Variants in ARHGAP29 observed in about 807,000 individuals in gnomAD.
ARHGAP29 encodes the protein Rho GTPase activating protein 29.
In ARHGAP29, 43 loss-of-function variants were observed where a neutral mutation model predicts 122.6. That is an observed-to-expected ratio of 0.35 (90% CI 0.27 to 0.45). The LOEUF (loss-of-function observed/expected upper bound fraction) is 0.45, where lower values mean the gene tolerates loss of function less well. Ranked by LOEUF, ARHGAP29 falls within the 20% of genes least tolerant of loss-of-function variation. The pLI is 1.00. For missense variants in ARHGAP29, 1,303 were observed against 1,477.2 expected (o/e 0.88, Z 1.93); for synonymous variants, 506 against 497.1 (o/e 1.02, Z -0.24).
At chr1:94,305,199 A>G in the ARHGAP29 span, among the ~76,000 whole-genome samples, 1 of 152,198 alleles carries the variant, frequency 6.6e-6, no homozygotes, top group Non-Finnish European at 1.5e-5. Context: ...TCCTCTGTGG[A>G]CCATGTAAGG....
At chr1:94,286,735 A>G in the ARHGAP29 span, among the ~76,000 whole-genome samples, 22 of 152,310 alleles carry the variant, frequency 1.4e-4, no homozygotes, top group African/African-American at 4.6e-4. Flanking sequence ...CAGAAAAATT[A>G]AGAAGGAAAT....
chr1:94,210,147 T>C (rs1266993866), intron 3 of ARHGAP29, among the ~76,000 whole-genome samples: 1 of 152,226 alleles, frequency 6.6e-6, no homozygotes, highest in Non-Finnish European at 1.5e-5. Context: ...TGGTAATTTT[T>C]TTAAAGTAAC....
chr1:94,245,060 A>T (rs1204918798), intron 1 of ARHGAP29, among the ~76,000 whole-genome samples: 1 of 152,214 alleles, frequency 6.6e-6, no homozygotes, highest in African/African-American at 2.4e-5. Context: ...CTGAATAGTC[A>T]GAAGAAATTT....
chr1:94,183,218 A>G (rs1169116119), intron 19 of ARHGAP29, among the ~76,000 whole-genome samples: 1 of 152,134 alleles, frequency 6.6e-6, no homozygotes, highest in East Asian at 1.9e-4. Context: ...TTTTTTTTAA[A>G]AAGGATCCTG....
chr1:94,211,807 A>T (rs1651638506), intron 3 of ARHGAP29, among the ~76,000 whole-genome samples: 1 of 152,192 alleles, frequency 6.6e-6, no homozygotes, highest in African/African-American at 2.4e-5. Flanking sequence ...CACAACGTGC[A>T]TGTTTGTTAC....
In ARHGAP29 at chr1:94,209,301, C is replaced by A. The variant is rs201288581; in HGVS notation, c.390G>T (p.Gln130His). Residue 130 changes from glutamine (Q) to histidine (H), a missense_variant, in exon 4 of 23, where the codon CAG (glutamine) becomes CAT (histidine). Transcript: ENST00000260526. ...AAGTTTCAATAGAAGAAAACACTTC[C>A]TGGAAGAGATCGTTTTTGTTTTCTT... ...VNEENKNDLF[Q>H]EVFSSIETLA... 1.2e-6 allele frequency: 2 copies of A among 1,610,214 alleles called. No individual in the cohort carries two copies. The highest frequency in any genetic ancestry group is 4.5e-5 in the East Asian group (2 of 44,706).
the ARHGAP29 span, chr1:94,301,927 T>G: frequency 2.0e-5 from 3 of 153,736 alleles, no homozygotes; most frequent in Admixed American, 6.5e-5. Flanking sequence ...TGTAAAATAT[T>G]CAGTAGAATA....
the ARHGAP29 span, among the ~76,000 whole-genome samples, chr1:94,281,311 T>C: frequency 6.6e-6 from 1 of 152,200 alleles, no homozygotes; most frequent in Non-Finnish European, 1.5e-5. Flanking sequence ...TTTTCTAAGA[T>C]TACACTAAGT....
At chr1:94,235,449 T>C (rs1653195776) in intron 1 of ARHGAP29, among the ~76,000 whole-genome samples, 1 of 152,216 alleles carries the variant, frequency 6.6e-6, no homozygotes, top group Non-Finnish European at 1.5e-5. Context: ...ATCATAAAGA[T>C]GAACCATAAA....
Position 94,170,659 on chromosome 1 carries a change from C to T in ARHGAP29, c.*3210G>A, listed in dbSNP as rs540745823. Among the ~76,000 whole-genome samples the T allele has an allele frequency of 3.3e-5, 5 of 152,054 alleles. No homozygotes were observed. In the South Asian group the frequency reaches 1.0e-3, roughly 32 times the overall value. On this transcript the variant is annotated 3_prime_UTR_variant, in exon 23 of 23. Coordinates refer to ENST00000260526, the MANE Select transcript of ARHGAP29 (RefSeq NM_004815.4). ...CACACAGTAGATAGAGGTAATAATGCAAAAAATATTTTGGTTGGGATTACA... is the reference window on the plus strand; with the variant it reads ...CACACAGTAGATAGAGGTAATAATGTAAAAAATATTTTGGTTGGGATTACA...
At chr1:94,231,270 A>G (rs552183966) in intron 2 of ARHGAP29, 137 bp downstream of exon 2, 1 of 675,648 alleles carries the variant, frequency 1.5e-6, no homozygotes, top group South Asian at 1.9e-5. Context: ...TAACCATCAA[A>G]GATTTGGGGA....
At chr1:94,195,705 G>A (rs1254234150) in intron 12 of ARHGAP29, 1 of 151,910 alleles carries the variant, frequency 6.6e-6, no homozygotes, top group Non-Finnish European at 1.5e-5. Context: ...ATAAGATAGT[G>A]CCAAAATAGA....
intron 1 of ARHGAP29, among the ~76,000 whole-genome samples, chr1:94,262,224 A>C (rs1466496202): frequency 2.0e-5 from 3 of 152,160 alleles, no homozygotes; most frequent in African/African-American, 7.2e-5. Flanking sequence ...TTGAAACTGG[A>C]CCCCTTCCTT....
At chr1:94,227,008 T>C (rs188653165) in intron 2 of ARHGAP29, among the ~76,000 whole-genome samples, 1 of 152,052 alleles carries the variant, frequency 6.6e-6, no homozygotes, top group African/African-American at 2.4e-5. Context: ...CATCCTCCTG[T>C]ACATTCTCCC....
intron 19 of ARHGAP29, among the ~76,000 whole-genome samples, chr1:94,183,920 C>T (rs115392703): frequency 8.6e-5 from 13 of 152,000 alleles, no homozygotes; most frequent in East Asian, 1.9e-4. Context: ...TTATAAGGTA[C>T]GGTAATATTC....
At chr1:94,221,535 A>G (rs752755972) in intron 2 of ARHGAP29, among the ~76,000 whole-genome samples, 4 of 140,908 alleles carry the variant, frequency 2.8e-5, no homozygotes, top group Non-Finnish European at 6.1e-5. Flanking sequence ...TATTATTTAT[A>G]TAAGTATATA....
At chr1:94,222,073 A>G (rs1652331625) in intron 2 of ARHGAP29, among the ~76,000 whole-genome samples, 3 of 152,208 alleles carry the variant, frequency 2.0e-5, no homozygotes, top group African/African-American at 7.2e-5. Flanking sequence ...TCCAATGGCC[A>G]AAGCTGGAAC....
chr1:94,199,085 C>T (rs1236482029), intron 12 of ARHGAP29, among the ~76,000 whole-genome samples: 1 of 152,010 alleles, frequency 6.6e-6, no homozygotes. Flanking sequence ...ACACCGGGGC[C>T]TGTCGGGGGG....
At chr1:94,216,365 G>A (rs1443488657) in intron 3 of ARHGAP29, among the ~76,000 whole-genome samples, 1 of 152,188 alleles carries the variant, frequency 6.6e-6, no homozygotes, top group Admixed American at 6.5e-5. Context: ...ATGACAATGA[G>A]CAAGGAGCAG....
Sources: gnomAD v4.1 joint callset for allele counts (sites outside exome capture counted in the v4.1 genomes callset) on GRCh38, gnomAD v4.1.1 for gene constraint, MANE v1.5 for transcripts, NCBI Gene and HGNC (gene_info 2026-07-23, HGNC 2026-07-21) for gene names.